CDK5RAP2: variants seen among roughly 807,000 people sequenced by gnomAD.
CDK5RAP2 encodes the protein CDK5 regulatory subunit-associated protein 2.
CDK5RAP2 carries 147 observed loss-of-function variants against 232.9 expected under a neutral mutation model. That is an observed-to-expected ratio of 0.63 (90% CI 0.55 to 0.72). The LOEUF (loss-of-function observed/expected upper bound fraction) is 0.72. Ranked by LOEUF, CDK5RAP2 falls within the 30% of genes least tolerant of loss-of-function variation. CDK5RAP2 has a pLI of 0.00. For missense variants in CDK5RAP2, 2,195 were observed against 2,231.5 expected (o/e 0.98, Z 0.33); for synonymous variants, 833 against 833.7 (o/e 1.00, Z 0.01).
intron 2 of CDK5RAP2, chr9:120,571,724 T>C (rs1186290212): frequency 2.1e-6 from 1 of 485,942 alleles, no homozygotes; most frequent in Non-Finnish European, 3.8e-6. Context: ...GCTCACTGAA[T>C]CCCTATAGCT....
In CDK5RAP2 at chr9:120,439,805, A is replaced by G; in HGVS notation, c.3316T>C (p.Ser1106Pro). 6.2e-7 allele frequency: 1 copy of G among 1,614,146 alleles called. No homozygotes were observed. The highest frequency in any genetic ancestry group is 1.1e-5 in the South Asian group (1 of 91,082). The change falls in exon 24 of 38, where the codon TCA becomes CCA. Residue 1106 changes from serine to proline, a missense_variant. Transcript: ENST00000349780. ...TGTTTTAAGTATTCTGTCTCATTTG[A>G]GGTATTAATGCTCTCTGACTGATCA... is the stretch of plus-strand genomic sequence containing the variant. ...GTDQSESINTSNETEYLKQKI... is the reference protein window; with the variant it reads ...GTDQSESINTPNETEYLKQKI...
chr9:120,442,020 C>A (rs984902690), intron 23 of CDK5RAP2, among the ~76,000 whole-genome samples: 5 of 152,170 alleles, frequency 3.3e-5, no homozygotes, highest in Admixed American at 6.5e-5. Flanking sequence ...AAGAAAATAT[C>A]TTTGCTGTAA....
chr9:120,485,389 G>T (rs779582550), intron 14 of CDK5RAP2, among the ~76,000 whole-genome samples: 1 of 150,876 alleles, frequency 6.6e-6, no homozygotes, highest in African/African-American at 2.5e-5. Flanking sequence ...CCGCCTCCGG[G>T]GTTCAAGCAA....
chr9:120,526,519 C>G (rs2040907532), intron 10 of CDK5RAP2, among the ~76,000 whole-genome samples: 2 of 152,126 alleles, frequency 1.3e-5, no homozygotes, highest in Admixed American at 6.5e-5. Context: ...AGCCCCTCCC[C>G]CTCCATTCCT....
At chr9:120,520,380 T>A (rs10818459) in intron 11 of CDK5RAP2, among the ~76,000 whole-genome samples, 14 of 152,178 alleles carry the variant, frequency 9.2e-5, no homozygotes, top group African/African-American at 3.1e-4. Context: ...GATGGCTCAC[T>A]CCTGTAATCC....
At chr9:120,481,916 A>T (rs1364990812) in intron 14 of CDK5RAP2, among the ~76,000 whole-genome samples, 1 of 152,216 alleles carries the variant, frequency 6.6e-6, no homozygotes, top group East Asian at 1.9e-4. Flanking sequence ...TCTCAGAATG[A>T]TGCCCGGCTT....
intron 19 of CDK5RAP2, 67 bp downstream of exon 19, chr9:120,460,505 G>A: frequency 6.9e-7 from 1 of 1,458,632 alleles, no homozygotes; most frequent in Non-Finnish European, 9.6e-7. Context: ...ACTCATTCCA[G>A]ACTCGAAGAC....
intron 11 of CDK5RAP2, among the ~76,000 whole-genome samples, chr9:120,523,544 T>C (rs1318150335): frequency 6.6e-6 from 1 of 152,242 alleles, no homozygotes; most frequent in Non-Finnish European, 1.5e-5. Context: ...GTTCCTAGCG[T>C]ACCATGATTT....
chr9:120,538,259 T>G (rs1191213249), intron 6 of CDK5RAP2, among the ~76,000 whole-genome samples: 1 of 152,220 alleles, frequency 6.6e-6, no homozygotes, highest in Non-Finnish European at 1.5e-5. Flanking sequence ...GCCTGCTCTT[T>G]GTATCCAGAA....
chr9:120,408,175 C>T, intron 31 of CDK5RAP2, 172 bp downstream of exon 31: 1 of 791,100 alleles, frequency 1.3e-6, no homozygotes, highest in East Asian at 2.6e-5. Flanking sequence ...ATGTTTCCTG[C>T]TGTTCCTTCA....
intron 4 of CDK5RAP2, among the ~76,000 whole-genome samples, chr9:120,549,650 G>T (rs2041978836): frequency 1.3e-5 from 2 of 152,176 alleles, no homozygotes; most frequent in South Asian, 4.1e-4. Flanking sequence ...AGATGCAAAT[G>T]TACAGATACC....
Position 120,415,040 on chromosome 9 carries a change from C to G in CDK5RAP2, c.4297G>C (p.Gly1433Arg). ...GTCCTCCAGGAAGGTCTTTCCTTACCTTGAACAAATTCAGATCCTTGCCGT... is the reference window on the plus strand; with the variant it reads ...GTCCTCCAGGAAGGTCTTTCCTTACGTTGAACAAATTCAGATCCTTGCCGT... ...LERQGSEFVQ[G>R]STSIFASGSE... Residue 1433 changes from glycine to arginine, a missense_variant and splice_region_variant, in exon 28 of 38, where the codon GGT becomes CGT. Gly to Arg is a moderately radical substitution (Grantham distance 125). Coordinates refer to ENST00000349780, the MANE Select transcript of CDK5RAP2 (RefSeq NM_018249.6). The G allele has an allele frequency of 6.2e-7, 1 of 1,614,148 alleles. No individual in the cohort carries two copies. Among genetic ancestry groups the G allele is most frequent in the Admixed American group, 1.7e-5 (1 of 60,032 alleles).
rs960816359 is a variant in CDK5RAP2 at position 120,460,260 on chromosome 9, T to C, written c.2202+312A>G. Among the ~76,000 whole-genome samples the C allele has an allele frequency of 3.1e-4, 47 of 152,206 alleles. 1 individual carries two copies. Among genetic ancestry groups the C allele is most frequent in the African/African-American group, 1.0e-3 (43 of 41,450 alleles). On this transcript the variant is annotated intron_variant, in intron 19 of 37. Coordinates refer to ENST00000349780, the MANE Select transcript of CDK5RAP2 (RefSeq NM_018249.6). Reference sequence around the variant, plus strand: ...AGTCCTCAAAGCCTTCAGTTTCTAATTCATAAAATGGGTTGGATTACATCA... The same window carrying C: ...AGTCCTCAAAGCCTTCAGTTTCTAACTCATAAAATGGGTTGGATTACATCA...
chr9:120,523,595 C>T (rs2040766482), intron 11 of CDK5RAP2, among the ~76,000 whole-genome samples: 1 of 152,148 alleles, frequency 6.6e-6, no homozygotes, highest in Admixed American at 6.5e-5. Context: ...TAACTAAAGG[C>T]TCTGCAAAAG....
intron 12 of CDK5RAP2, among the ~76,000 whole-genome samples, chr9:120,499,632 A>T (rs2039481861): frequency 6.6e-6 from 1 of 152,186 alleles, no homozygotes; most frequent in African/African-American, 2.4e-5. Context: ...CCAGACCAAG[A>T]ACCTATCATG....
chr9:120,419,840 C>T lies in CDK5RAP2; in HGVS notation c.4125G>A (p.Lys1375=). The T allele has an allele frequency of 1.2e-6, 2 of 1,613,962 alleles. No homozygotes were observed. The highest frequency in any genetic ancestry group is 1.7e-6 in the Non-Finnish European group (2 of 1,179,830). The part of the protein sequence containing the change: ...SEKSFFSRDQ[K]QDNETEKTSV... ...AAGTCTTCTCTGTCTCATTATCTTG[C>T]TTCTGGTCTCGTGAGAAGAAGGACT... Residue 1375 remains lysine (K), a synonymous_variant, in exon 27 of 38, where the codon AAG becomes AAA. Coordinates refer to ENST00000349780, the MANE Select transcript of CDK5RAP2 (RefSeq NM_018249.6).
chr9:120,428,413 G>A (rs2035056151), intron 25 of CDK5RAP2, among the ~76,000 whole-genome samples: 1 of 152,136 alleles, frequency 6.6e-6, no homozygotes, highest in South Asian at 2.1e-4. Context: ...AATAAAGAAT[G>A]ATAAAGGGGA....
At chr9:120,574,271 C>A (rs571838136) in intron 1 of CDK5RAP2, among the ~76,000 whole-genome samples, 8 of 152,338 alleles carry the variant, frequency 5.3e-5, no homozygotes, top group African/African-American at 1.9e-4. Flanking sequence ...CATCTGCACC[C>A]TCCAGTCAGT....
chr9:120,463,534 TTAA>T (rs1394295431), intron 18 of CDK5RAP2, among the ~76,000 whole-genome samples: 17 of 152,158 alleles, frequency 1.1e-4, no homozygotes, highest in Non-Finnish European at 2.2e-4. Flanking sequence ...CCTTGTTGTA[TTAA>T]TGAGAGATGA....
Sources: gnomAD v4.1 joint callset for allele counts (sites outside exome capture counted in the v4.1 genomes callset) on GRCh38, gnomAD v4.1.1 for gene constraint, MANE v1.5 for transcripts, NCBI Gene and HGNC (gene_info 2026-07-23, HGNC 2026-07-21) for gene names.